The following TMPRSS2 variants were observed in gnomAD, a reference collection of about 807,000 sequenced individuals.
The protein encoded by TMPRSS2 is transmembrane serine protease 2.
Under a neutral mutation model 67.4 loss-of-function variants are expected in TMPRSS2, and 59 were observed. That is an observed-to-expected ratio of 0.88 (90% CI 0.71 to 1.09). TMPRSS2 has a LOEUF of 1.09. TMPRSS2 is among the 50% of genes least tolerant of loss of function. The pLI, the probability that TMPRSS2 is intolerant of heterozygous loss-of-function variation, is 0.00. For missense variants in TMPRSS2, 668 were observed against 642.7 expected (o/e 1.04, Z -0.43); for synonymous variants, 257 against 257.0 (o/e 1.00, Z 0.00).
chr21:41,465,939 A>C lies in TMPRSS2; in HGVS notation c.*203T>G. On this transcript the variant is annotated 3_prime_UTR_variant, in exon 14 of 14. Coordinates refer to ENST00000332149, the MANE Select transcript of TMPRSS2 (RefSeq NM_005656.4). ...CAGCCGGCCATCACCCCTTGCGGAC[A>C]AGGGGTTAGGGAGAGCAGGCTGGGC... 1 of 628,486 alleles carries C rather than the reference A, an allele frequency of 1.6e-6. No homozygotes were observed. The highest frequency in any genetic ancestry group is 2.8e-6 in the Non-Finnish European group (1 of 355,200). The allele number at this position is 628,486 out of a possible 1,614,324, so 38.9% of individuals were successfully genotyped here. A position where few individuals can be genotyped will look rare whatever the true frequency, so the allele number is the denominator to read the frequency against.
At chr21:41,471,098 G>A (rs1400732366) in intron 10 of TMPRSS2, among the ~76,000 whole-genome samples, 1 of 152,198 alleles carries the variant, frequency 6.6e-6, no homozygotes, top group African/African-American at 2.4e-5. Context: ...CGCCCCAGAG[G>A]CACCACGCCA....
chr21:41,501,368 G>C (rs2091422344), intron 1 of TMPRSS2, among the ~76,000 whole-genome samples: 1 of 152,178 alleles, frequency 6.6e-6, no homozygotes, highest in South Asian at 2.1e-4. Context: ...CAGCACTTTG[G>C]GAGGCCAAGG....
intron 1 of TMPRSS2, among the ~76,000 whole-genome samples, chr21:41,498,648 A>T (rs2091403140): frequency 6.6e-6 from 1 of 152,192 alleles, no homozygotes; most frequent in South Asian, 2.1e-4. Flanking sequence ...CCCTATACAG[A>T]ACATCTACTC....
chr21:41,499,269 T>C (rs1238613870), intron 1 of TMPRSS2, among the ~76,000 whole-genome samples: 1 of 152,156 alleles, frequency 6.6e-6, no homozygotes, highest in African/African-American at 2.4e-5. Flanking sequence ...CAGTTAACAA[T>C]AATAGCTAGA....
chr21:41,484,420 A>T (rs1218790348), intron 5 of TMPRSS2, among the ~76,000 whole-genome samples: 1 of 152,106 alleles, frequency 6.6e-6, no homozygotes, highest in African/African-American at 2.4e-5. Flanking sequence ...GCGCACACAC[A>T]CCCTTGGGAA....
rs1412259574 is a variant in TMPRSS2, at chr21:41,477,225, C to G, written c.684-605G>C. Among the ~76,000 whole-genome samples, 3 of 152,212 alleles carry G rather than the reference C, an allele frequency of 2.0e-5. No homozygotes were observed. In the East Asian group the frequency reaches 5.8e-4, roughly 29 times the overall value. ...CCCGCCCTGATAGCTGGGCCGTGTG[C>G]TCTGCGGAACCTGAATTATTTCACT... is the stretch of plus-strand genomic sequence containing the variant. On this transcript the variant is annotated intron_variant, in intron 7 of 13. Transcript: ENST00000332149.
At chr21:41,484,076 G>GC (rs2091278609) in intron 5 of TMPRSS2, among the ~76,000 whole-genome samples, 1 of 152,170 alleles carries the variant, frequency 6.6e-6, no homozygotes, top group Admixed American at 6.6e-5. Context: ...CCATGACTGA[G>GC]CCACTGCACT....
intron 12 of TMPRSS2, 168 bp from the exon 13 acceptor site, chr21:41,468,054 C>A: frequency 1.4e-6 from 1 of 693,344 alleles, no homozygotes; most frequent in Non-Finnish European, 2.4e-6. Flanking sequence ...AGAGATGTAA[C>A]CCCCAAAGAG....
Position 41,466,059 on chromosome 21 carries a change from C to G in TMPRSS2, c.*83G>C, listed in dbSNP as rs2091080377. The G allele has an allele frequency of 1.3e-6, 2 of 1,519,704 alleles. No individual in the cohort carries two copies. Among genetic ancestry groups the G allele is most frequent in the African/African-American group, 1.4e-5 (1 of 72,314 alleles). The allele number at this position is 1,519,704 out of a possible 1,614,324, so 94.1% of individuals were successfully genotyped here. On this transcript the variant is annotated 3_prime_UTR_variant, in exon 14 of 14. Transcript: ENST00000332149. ...AAATGAAGTGACCTCTGAATCATCTCTAAGAGTAAATCATGCACGGGGAAG... is the reference window on the plus strand; with the variant it reads ...AAATGAAGTGACCTCTGAATCATCTGTAAGAGTAAATCATGCACGGGGAAG...
At chr21:41,473,133 T>C (rs2091149214) in intron 9 of TMPRSS2, among the ~76,000 whole-genome samples, 192 bp downstream of exon 9, 1 of 152,168 alleles carries the variant, frequency 6.6e-6, no homozygotes, top group Admixed American at 6.5e-5. Context: ...CAGGGGACAC[T>C]CAGTGCATAC....
intron 9 of TMPRSS2, 94 bp downstream of exon 9, chr21:41,473,231 G>A (rs1171141467): frequency 2.9e-6 from 4 of 1,365,136 alleles, no homozygotes; most frequent in Non-Finnish European, 3.9e-6. Flanking sequence ...ACACAAGGAT[G>A]CCGGGGCTGC....
At chr21:41,489,804 GA>G (rs2091322617) in intron 3 of TMPRSS2, among the ~76,000 whole-genome samples, 1 of 152,148 alleles carries the variant, frequency 6.6e-6, no homozygotes, top group Non-Finnish European at 1.5e-5. Flanking sequence ...CCAACAGGAG[GA>G]AGCTGTGATC....
At chr21:41,499,302 G>A (rs1341046480) in intron 1 of TMPRSS2, among the ~76,000 whole-genome samples, 2 of 152,214 alleles carry the variant, frequency 1.3e-5, no homozygotes, top group Non-Finnish European at 2.9e-5. Flanking sequence ...ACGAAATGCT[G>A]TATAGTAAAG....
At chr21:41,499,843 G>A (rs2091411478) in intron 1 of TMPRSS2, among the ~76,000 whole-genome samples, 1 of 152,018 alleles carries the variant, frequency 6.6e-6, no homozygotes. Context: ...AGCAAATAAA[G>A]GGCTTTTTTC....
At chr21:41,507,621 ACTGCAGAGATTTC>A (rs2091467355) in intron 1 of TMPRSS2, among the ~76,000 whole-genome samples, 1 of 152,264 alleles carries the variant, frequency 6.6e-6, no homozygotes, top group African/African-American at 2.4e-5. Flanking sequence ...ACACTGCGGG[ACTGCAGAGATTTC>A]CCCCAAACAA....
At chr21:41,500,966 G>C (rs1434328050) in intron 1 of TMPRSS2, among the ~76,000 whole-genome samples, 2 of 152,090 alleles carry the variant, frequency 1.3e-5, no homozygotes. Context: ...CTGGTTTCTC[G>C]GCTGTCCTAT....
chr21:41,473,566 C>T (rs2091154707), intron 8 of TMPRSS2, 70 bp from the exon 9 acceptor site: 1 of 1,496,498 alleles, frequency 6.7e-7, no homozygotes, highest in Admixed American at 2.0e-5. Context: ...AGCGCCCGCC[C>T]CTCCCAAGGG....
At chr21:41,468,248 C>T in intron 12 of TMPRSS2, 148 bp downstream of exon 12, 1 of 977,406 alleles carries the variant, frequency 1.0e-6, no homozygotes, top group South Asian at 1.7e-5. Context: ...AGCGTTCGCA[C>T]TGTTTGTGGC....
At chr21:41,469,522 T>C (rs1263907464) in intron 11 of TMPRSS2, among the ~76,000 whole-genome samples, 1 of 152,074 alleles carries the variant, frequency 6.6e-6, no homozygotes, top group Non-Finnish European at 1.5e-5. Flanking sequence ...CCAGCCCACC[T>C]CCTTGGCCCC....
Sources: gnomAD v4.1 joint callset for allele counts (sites outside exome capture counted in the v4.1 genomes callset) on GRCh38, gnomAD v4.1.1 for gene constraint, MANE v1.5 for transcripts, NCBI Gene and HGNC (gene_info 2026-07-23, HGNC 2026-07-21) for gene names.